Variants in ASCC3 observed in about 807,000 individuals in gnomAD.
ASCC3 encodes the protein activating signal cointegrator 1 complex subunit 3, also known as ASC-1 complex subunit P200.
Under a neutral mutation model 256.3 loss-of-function variants are expected in ASCC3, and 158 were observed. That is an observed-to-expected ratio of 0.62 (90% CI 0.54 to 0.70). The LOEUF (loss-of-function observed/expected upper bound fraction) is 0.70. ASCC3 is among the 30% of genes least tolerant of loss of function. The pLI, the probability that ASCC3 is intolerant of heterozygous loss-of-function variation, is 0.00. For missense variants in ASCC3, 2,259 were observed against 2,626.0 expected, an observed-to-expected ratio of 0.86 and a Z score of 3.05; for synonymous variants, 948 against 883.4, an observed-to-expected ratio of 1.07 and a Z score of -1.30.
At chr6:100,780,325 T>C (rs745552574) in intron 8 of ASCC3, among the ~76,000 whole-genome samples, 18 of 152,136 alleles carry the variant, frequency 1.2e-4, no homozygotes, top group Admixed American at 2.6e-4. Context: ...TGCTCATAAA[T>C]TGATAAATAA....
At chr6:100,736,742 GT>G (rs1269392660) in intron 10 of ASCC3, among the ~76,000 whole-genome samples, 1 of 152,186 alleles carries the variant, frequency 6.6e-6, no homozygotes, top group Non-Finnish European at 1.5e-5. Context: ...GAGAATGAAT[GT>G]TGCTAAGGAA....
At chr6:100,691,315 A>G (rs1418451238) in intron 13 of ASCC3, among the ~76,000 whole-genome samples, 1 of 152,062 alleles carries the variant, frequency 6.6e-6, no homozygotes, top group East Asian at 1.9e-4. Context: ...TAAGTATAAA[A>G]TTTTAAAACA....
At chr6:100,826,472 C>T (rs1371756714) in intron 4 of ASCC3, among the ~76,000 whole-genome samples, 1 of 152,088 alleles carries the variant, frequency 6.6e-6, no homozygotes, top group Non-Finnish European at 1.5e-5. Context: ...TAAATGGATC[C>T]TTATACAGTT....
intron 25 of ASCC3, among the ~76,000 whole-genome samples, chr6:100,632,278 T>C (rs1307192417): frequency 6.9e-6 from 1 of 144,608 alleles, no homozygotes; most frequent in African/African-American, 2.6e-5. Flanking sequence ...AGGTAAAAAA[T>C]CTGTACAATG....
chr6:100,851,467 T>G (rs75973513), intron 3 of ASCC3, among the ~76,000 whole-genome samples: 1,922 of 152,244 alleles, frequency 0.013, 18 homozygotes, highest in East Asian at 0.045. Flanking sequence ...AAAAGTCCAT[T>G]AATAGTGGGT....
Position 100,798,784 on chromosome 6 carries a change from T to G in ASCC3, c.1324A>C (p.Arg442=). 6.2e-7 allele frequency: 1 copy of G among 1,613,080 alleles called. No homozygotes were observed. Among genetic ancestry groups the G allele is most frequent in the Non-Finnish European group, 8.5e-7 (1 of 1,179,516 alleles). The change falls in exon 8 of 42, where the codon AGG becomes CGG. Residue 442 remains arginine (R), a synonymous_variant. Coordinates refer to ENST00000369162, the MANE Select transcript of ASCC3 (RefSeq NM_006828.4). ...GGCATTGGTTCGCTGTAGGGAATCC[T>G]TACTTCTTCATAAAGCTTGTTATTC... The part of the protein sequence containing the change: ...RENNKLYEEV[R]IPYSEPMPLS...
chr6:100,848,559 A>C lies in ASCC3; in HGVS notation c.390T>G (p.Ala130=). 1.2e-6 allele frequency: 2 copies of C among 1,614,154 alleles called. No homozygotes were observed. Among genetic ancestry groups the C allele is most frequent in the Admixed American group, 3.3e-5 (2 of 60,002 alleles). The change falls in exon 4 of 42, where the codon GCT becomes GCG. Residue 130 remains alanine, a synonymous_variant. Coordinates refer to ENST00000369162, the MANE Select transcript of ASCC3 (RefSeq NM_006828.4). ...AAATAATTCGATTAGTAGCATTACA[A>C]GCTGCAGTGGCAGATGATGAAGGAA... ...GPFPSSSATA[A]CNATNRIISH...
At chr6:100,537,917 A>G (rs1475655754) in intron 37 of ASCC3, among the ~76,000 whole-genome samples, 7 of 150,248 alleles carry the variant, frequency 4.7e-5, no homozygotes, top group Non-Finnish European at 8.9e-5. Context: ...ATAAATATAT[A>G]TACTGTATAT....
At chr6:100,865,364 C>T (rs1773427359) in intron 2 of ASCC3, among the ~76,000 whole-genome samples, 1 of 152,102 alleles carries the variant, frequency 6.6e-6, no homozygotes, top group Non-Finnish European at 1.5e-5. Context: ...GTAGTACTTA[C>T]ACACTTTTAA....
intron 5 of ASCC3, among the ~76,000 whole-genome samples, chr6:100,805,205 T>A (rs545999161): frequency 6.6e-6 from 1 of 152,254 alleles, no homozygotes; most frequent in East Asian, 1.9e-4. Flanking sequence ...CTATATGATG[T>A]CCTTTGCAAC....
chr6:100,616,952 A>G (rs972675309), intron 30 of ASCC3, among the ~76,000 whole-genome samples: 1 of 152,066 alleles, frequency 6.6e-6, no homozygotes, highest in Non-Finnish European at 1.5e-5. Context: ...CAGAAAAGGA[A>G]TCTCATCTAA....
intron 10 of ASCC3, among the ~76,000 whole-genome samples, chr6:100,749,322 C>T (rs982652175): frequency 7.3e-5 from 11 of 151,690 alleles, no homozygotes; most frequent in African/African-American, 2.4e-4. Context: ...AAAAATATTC[C>T]CTGGAAAAGA....
chr6:100,635,224 G>T (rs1466962346), intron 25 of ASCC3, among the ~76,000 whole-genome samples: 1 of 151,454 alleles, frequency 6.6e-6, no homozygotes. Flanking sequence ...TGATATATAT[G>T]TACACACACA....
At chr6:100,700,927 A>T (rs1368354224) in intron 13 of ASCC3, among the ~76,000 whole-genome samples, 1 of 152,156 alleles carries the variant, frequency 6.6e-6, no homozygotes, top group Non-Finnish European at 1.5e-5. Flanking sequence ...TAATGCTGAA[A>T]TGAGTTAAGA....
intron 8 of ASCC3, among the ~76,000 whole-genome samples, chr6:100,791,993 CATT>C (rs1769370406): frequency 6.6e-6 from 1 of 151,868 alleles, no homozygotes; most frequent in Non-Finnish European, 1.5e-5. Flanking sequence ...TGAATAGCAT[CATT>C]GAGCAAACAA....
At chr6:100,697,686 C>T (rs239213) in intron 13 of ASCC3, among the ~76,000 whole-genome samples, 143,264 of 152,122 alleles carry the variant, frequency 0.94, 67,519 homozygotes, top group East Asian at 0.98. Flanking sequence ...AGAACATTTA[C>T]TGCATACTTA....
intron 13 of ASCC3, among the ~76,000 whole-genome samples, chr6:100,683,259 C>T (rs953452836): frequency 6.6e-6 from 1 of 152,106 alleles, no homozygotes; most frequent in Non-Finnish European, 1.5e-5. Context: ...TCAAATGCCA[C>T]ATTATGTAAA....
chr6:100,782,640 A>G (rs1403222053), intron 8 of ASCC3, among the ~76,000 whole-genome samples: 1 of 152,182 alleles, frequency 6.6e-6, no homozygotes, highest in East Asian at 1.9e-4. Context: ...CAAAAATTAG[A>G]AACAATCCGA....
chr6:100,760,270 T>A (rs1039191093), intron 10 of ASCC3, among the ~76,000 whole-genome samples: 2 of 152,182 alleles, frequency 1.3e-5, no homozygotes, highest in Admixed American at 1.3e-4. Context: ...CCATTCAATA[T>A]GATATTCGCT....
Sources: gnomAD v4.1 joint callset for allele counts (sites outside exome capture counted in the v4.1 genomes callset) on GRCh38, gnomAD v4.1.1 for gene constraint, MANE v1.5 for transcripts, NCBI Gene and HGNC (gene_info 2026-07-23, HGNC 2026-07-21) for gene names.